Variants in CHFR observed in about 807,000 individuals in gnomAD.
The protein encoded by CHFR is checkpoint with forkhead and ring finger domains, also known as E3 ubiquitin-protein ligase CHFR.
A neutral mutation model predicts 87.6 loss-of-function variants in CHFR; 57 were observed. The observed-to-expected ratio is 0.65, with a 90% CI of 0.53 to 0.81. The LOEUF (loss-of-function observed/expected upper bound fraction) is 0.81, where lower values mean the gene tolerates loss of function less well. Among genes scored for constraint, CHFR ranks in the 30% least tolerant of loss-of-function variants. CHFR has a pLI of 0.00. For synonymous variants in CHFR, 381 were observed against 359.2 expected (o/e 1.06, Z -0.69); for missense variants, 797 against 865.8 (o/e 0.92, Z 1.00).
At position 132,834,325 on chromosome 12, in the gene CHFR, G is replaced by GC. The variant is rs2136894770; in HGVS notation, c.*7228_*7229insG. 1 of 152,604 alleles carries GC rather than the reference G, an allele frequency of 6.6e-6. No homozygotes were observed. The highest frequency in any genetic ancestry group is 2.1e-4 in the South Asian group (1 of 4,828). 9.5% of individuals were successfully genotyped at this position (152,604 alleles called of 1,614,324 possible). ...GGGGAGCAGGGGAGAGGGTGAAGCG[G>GC]ATGTTGGGTGCTCAGCCATGCCCCA... On this transcript the variant is annotated 3_prime_UTR_variant, in exon 18 of 18. Transcript: ENST00000450056.
chr12:132,856,174 G>A (rs1156732455), intron 10 of CHFR, among the ~76,000 whole-genome samples: 2 of 152,238 alleles, frequency 1.3e-5, no homozygotes, highest in Non-Finnish European at 2.9e-5. Context: ...GAAGCAAAGG[G>A]AAGGGTGTCA....
At position 132,841,290 on chromosome 12, in the gene CHFR, G is replaced by C. The variant is rs1950699392; in HGVS notation, c.*264C>G. 3 of 401,256 alleles carry C rather than the reference G, an allele frequency of 7.5e-6. No individual in the cohort carries two copies. The highest frequency in any genetic ancestry group is 8.5e-5 in the Admixed American group (2 of 23,658). 24.9% of individuals were successfully genotyped at this position (401,256 alleles called of 1,614,324 possible). A position where few individuals can be genotyped will look rare whatever the true frequency, so the allele number is the denominator to read the frequency against. On this transcript the variant is annotated 3_prime_UTR_variant, in exon 18 of 18. Transcript: ENST00000450056. Reference sequence around the variant, plus strand: ...CTCGGCGGGACGGCCGCATGTTACAGAAAGGCTTCGTCTCTGCTGCTGATG... The same window carrying C: ...CTCGGCGGGACGGCCGCATGTTACACAAAGGCTTCGTCTCTGCTGCTGATG...
intron 7 of CHFR, among the ~76,000 whole-genome samples, chr12:132,861,137 G>C (rs1460001109): frequency 6.6e-6 from 1 of 152,292 alleles, no homozygotes; most frequent in South Asian, 2.1e-4. Context: ...TCCTGCCTTG[G>C]CCTCCCAGTG....
Position 132,836,712 on chromosome 12 carries a change from CAGA to C in CHFR, c.*4839_*4841del, listed in dbSNP as rs930750903. On this transcript the variant is annotated 3_prime_UTR_variant, in exon 18 of 18. Transcript: ENST00000450056. ...ACCCCACCATCTAGACTCACCGCCTCAGAAGGAGACAACCGTGAAAAGTGAGCG... is the reference window on the plus strand; with the variant it reads ...ACCCCACCATCTAGACTCACCGCCTCAGGAGACAACCGTGAAAAGTGAGCG... The C allele has an allele frequency of 2.9e-5, 13 of 456,102 alleles. No homozygotes were observed. The highest frequency in any genetic ancestry group is 8.0e-5 in the African/African-American group (4 of 50,198). 28.3% of individuals were successfully genotyped at this position (456,102 alleles called of 1,614,324 possible).
At position 132,872,361 on chromosome 12, in the gene CHFR, A is replaced by C. The variant is rs1026698840; in HGVS notation, c.267T>G (p.Val89=). The C allele has an allele frequency of 3.7e-6, 6 of 1,613,496 alleles. No individual in the cohort carries two copies. The African/African-American group carries it at 6.7e-5, about 18-fold the overall frequency. Residue 89 remains valine, a synonymous_variant, in exon 4 of 18, where the codon GTT becomes GTG. Transcript: ENST00000450056. The part of the protein sequence containing the change: ...TSGTVINKLK[V]VKKQTCPLQT... ...GTAAAGGGCATGTCTGCTTCTTAAC[A>C]ACCTTCAGCTTGTTAATCACTGTTC...
At chr12:132,877,963 T>C (rs932561332) in intron 2 of CHFR, among the ~76,000 whole-genome samples, 1 of 152,174 alleles carries the variant, frequency 6.6e-6, no homozygotes, top group Non-Finnish European at 1.5e-5. Context: ...CCATCACGCC[T>C]GGCTAATTTT....
At chr12:132,845,299 C>T (rs1239698752) in intron 15 of CHFR, among the ~76,000 whole-genome samples, 2 of 147,154 alleles carry the variant, frequency 1.4e-5, no homozygotes, top group African/African-American at 5.0e-5. Flanking sequence ...ACTAAAAATA[C>T]AAAAAAAAAA....
At chr12:132,858,324 C>T (rs1265919106) in intron 8 of CHFR, among the ~76,000 whole-genome samples, 7 of 152,094 alleles carry the variant, frequency 4.6e-5, no homozygotes, top group African/African-American at 1.4e-4. Context: ...CACACCACTA[C>T]ACTCCAGCCT....
chr12:132,859,485 G>C (rs1951167115), intron 7 of CHFR, among the ~76,000 whole-genome samples: 1 of 151,970 alleles, frequency 6.6e-6, no homozygotes, highest in Admixed American at 6.6e-5. Context: ...TGAGTAGCTG[G>C]GACTACAGGT....
chr12:132,851,911 C>T (rs1950955377), intron 11 of CHFR, among the ~76,000 whole-genome samples, 174 bp from the exon 12 acceptor site: 1 of 152,094 alleles, frequency 6.6e-6, no homozygotes, highest in Admixed American at 6.6e-5. Context: ...CTCGGGGAGT[C>T]AAAACAGATT....
chr12:132,885,003 G>A (rs1951854236), intron 2 of CHFR, among the ~76,000 whole-genome samples: 3 of 151,778 alleles, frequency 2.0e-5, no homozygotes, highest in Admixed American at 6.6e-5. Context: ...CAGGAGAATC[G>A]CTTGAACCTG....
chr12:132,851,624 G>A lies in CHFR; in HGVS notation c.1486C>T (p.Gln496Ter), dbSNP rs1486915053. ...EREQDPRVAPQQCAVCLQPFC... is the reference protein window; with the variant it reads ...EREQDPRVAP ...CGGTGGCGCGGGCACTCACACTGCT[G>A]AGGGGCGACACGCGGGTCCTGCTCG... is the stretch of plus-strand genomic sequence containing the variant. The change falls in exon 12 of 18, where the codon CAG becomes TAG. Residue 496 changes from glutamine to a stop codon, truncating the protein, a stop_gained. Coordinates refer to ENST00000450056, the MANE Select transcript of CHFR (RefSeq NM_001161346.2). LOFTEE classifies it high-confidence loss of function. 6.2e-7 allele frequency: 1 copy of A among 1,611,250 alleles called. No homozygotes were observed. Among genetic ancestry groups the A allele is most frequent in the South Asian group, 1.1e-5 (1 of 90,972 alleles).
chr12:132,851,084 G>A (rs1354308246), intron 12 of CHFR, among the ~76,000 whole-genome samples: 3 of 151,154 alleles, frequency 2.0e-5, no homozygotes, highest in Admixed American at 2.0e-4. Flanking sequence ...TCCTCCTCTC[G>A]GACTCAAGCC....
chr12:132,844,283 G>T, intron 15 of CHFR, 149 bp from the exon 16 acceptor site: 2 of 600,908 alleles, frequency 3.3e-6, no homozygotes, highest in East Asian at 3.0e-5. Flanking sequence ...AGCCAATCTA[G>T]ATACGAATTT....
intron 2 of CHFR, among the ~76,000 whole-genome samples, chr12:132,884,159 C>T (rs1482585299): frequency 6.6e-6 from 1 of 151,726 alleles, no homozygotes; most frequent in African/African-American, 2.4e-5. Flanking sequence ...TGGCTCACGC[C>T]TGTAATCCCA....
At chr12:132,862,671 C>G (rs1951241759) in intron 6 of CHFR, among the ~76,000 whole-genome samples, 1 of 151,920 alleles carries the variant, frequency 6.6e-6, no homozygotes, top group African/African-American at 2.4e-5. Flanking sequence ...GCTCCGCCTC[C>G]TGGGTTGACG....
In CHFR at chr12:132,857,551, G is replaced by A. The variant is rs780721649; in HGVS notation, c.920C>T (p.Pro307Leu). ...AGCCGCGCAGAACGTGTGCATGCAG[G>A]GCTGCAAACTGAAAGTGCAAGAGGA... ...DLLHDCVSLQ[P>L]CMHTFCAACY... Residue 307 changes from proline to leucine, a missense_variant, in exon 9 of 18, where the codon CCC (proline) becomes CTC (leucine). Coordinates refer to ENST00000450056, the MANE Select transcript of CHFR (RefSeq NM_001161346.2). The A allele has an allele frequency of 1.9e-6, 3 of 1,613,932 alleles. No individual in the cohort carries two copies. The South Asian group carries it at 3.3e-5, about 18-fold the overall frequency.
intron 2 of CHFR, among the ~76,000 whole-genome samples, chr12:132,880,628 AGCCTGGG>A (rs1951745155): frequency 6.6e-6 from 1 of 150,788 alleles, no homozygotes. Context: ...ACTGCACTCC[AGCCTGGG>A]CAACAGAGCA....
chr12:132,872,305 C>G lies in CHFR; in HGVS notation c.323G>C (p.Arg108Thr), dbSNP rs1951509269. Residue 108 changes from arginine to threonine, a missense_variant, in exon 4 of 18, where the codon AGG becomes ACG. Around this residue, in one of 2 missense-constraint regions of CHFR, gnomAD observed 597 missense variants for 601.2 expected, o/e 0.99. Transcript: ENST00000450056. ...QTGDVIYLVYRKNEPEHNVAY... is the reference protein window; with the variant it reads ...QTGDVIYLVYTKNEPEHNVAY... Reference sequence around the variant, plus strand: ...CTTACTGTGTTCCGGTTCATTCTTCCTGTACACCAAGTAGATGACATCCCC... The same window carrying G: ...CTTACTGTGTTCCGGTTCATTCTTCGTGTACACCAAGTAGATGACATCCCC... The G allele has an allele frequency of 6.2e-7, 1 of 1,612,012 alleles. No individual in the cohort carries two copies. The highest frequency in any genetic ancestry group is 1.3e-5 in the African/African-American group (1 of 74,996).
Sources: allele counts gnomAD v4.1 joint callset (sites outside exome capture counted in the v4.1 genomes callset), GRCh38; gene constraint gnomAD v4.1.1; regional missense constraint gnomAD v4.1.1; transcripts MANE v1.5; gene names NCBI Gene and HGNC (gene_info 2026-07-23, HGNC 2026-07-21).